Variants in ATP8B4 observed in about 807,000 individuals in gnomAD.
ATP8B4 encodes probable phospholipid-transporting ATPase IM.
ATP8B4 carries 133 observed loss-of-function variants against 145.6 expected under a neutral mutation model. The ratio of observed to expected loss-of-function variants is 0.91; its 90% CI spans 0.79 to 1.05. The LOEUF (loss-of-function observed/expected upper bound fraction) is 1.05, where lower values mean the gene tolerates loss of function less well. Ranked by LOEUF, ATP8B4 falls within the 50% of genes least tolerant of loss-of-function variation. The pLI, the probability that ATP8B4 is intolerant of heterozygous loss-of-function variation, is 0.00. For missense variants in ATP8B4, 1,458 were observed against 1,425.2 expected, an observed-to-expected ratio of 1.02 and a Z score of -0.37; for synonymous variants, 507 against 492.9, an observed-to-expected ratio of 1.03 and a Z score of -0.38.
chr15:50,121,340 G>A (rs560362605), upstream of ATP8B4, among the ~76,000 whole-genome samples: 1 of 152,278 alleles, frequency 6.6e-6, no homozygotes, highest in East Asian at 1.9e-4. Context: ...TGCAGGAAGA[G>A]AGTATGGGAA....
chr15:50,015,011 T>C (rs28584104), intron 6 of ATP8B4, among the ~76,000 whole-genome samples: 1,542 of 152,318 alleles, frequency 0.01, 33 homozygotes, highest in African/African-American at 0.036. Flanking sequence ...AGGAATTAGA[T>C]AGATGTACAA....
chr15:49,959,132 T>A (rs1311015040), intron 14 of ATP8B4, among the ~76,000 whole-genome samples: 1 of 151,982 alleles, frequency 6.6e-6, no homozygotes, highest in Non-Finnish European at 1.5e-5. Flanking sequence ...ACAAGTGGCA[T>A]TTATTCCAGG....
chr15:50,154,456 A>G (rs565464198), intron 1 of ATP8B4, among the ~76,000 whole-genome samples: 4 of 152,296 alleles, frequency 2.6e-5, no homozygotes, highest in South Asian at 4.1e-4. Flanking sequence ...CACCAAAAAC[A>G]TATTTTTGGT....
chr15:50,002,183 A>G lies in ATP8B4; in HGVS notation c.476T>C (p.Leu159Pro). ...AAGCTCAGCAGTTTCAACATAACAGAGACCATGTGGCTCACTACTTGATAG... is the reference window on the plus strand; with the variant it reads ...AAGCTCAGCAGTTTCAACATAACAGGGACCATGTGGCTCACTACTTGATAG... ...LLLSSSEPHG[L>P]CYVETAELDG... Residue 159 changes from leucine to proline, a missense_variant, in exon 8 of 28, where the codon CTC becomes CCC. Leu to Pro is a moderately conservative substitution (Grantham distance 98). Transcript: ENST00000284509. 6.2e-7 allele frequency: 1 copy of G among 1,611,328 alleles called. No individual in the cohort carries two copies. Among genetic ancestry groups the G allele is most frequent in the Non-Finnish European group, 8.5e-7 (1 of 1,178,186 alleles).
chr15:49,916,893 C>G (rs1232798278), intron 20 of ATP8B4, 41 bp downstream of exon 20: 2 of 1,565,870 alleles, frequency 1.3e-6, no homozygotes, highest in Admixed American at 1.7e-5. Flanking sequence ...CCCTCCCTCC[C>G]TCTCGTCCTT....
chr15:50,052,357 C>T (rs1404894789), intron 3 of ATP8B4, among the ~76,000 whole-genome samples: 3 of 152,204 alleles, frequency 2.0e-5, no homozygotes, highest in Non-Finnish European at 2.9e-5. Flanking sequence ...CTAGAGGCCA[C>T]GGCATTAGCT....
At chr15:50,035,825 C>T (rs959364034) in intron 6 of ATP8B4, among the ~76,000 whole-genome samples, 10 of 152,142 alleles carry the variant, frequency 6.6e-5, no homozygotes, top group Non-Finnish European at 1.2e-4. Context: ...GCTGACTATA[C>T]CCTGCCTCCT....
intron 14 of ATP8B4, among the ~76,000 whole-genome samples, chr15:49,952,709 T>C (rs1223843022): frequency 6.6e-6 from 1 of 152,158 alleles, no homozygotes; most frequent in Admixed American, 6.5e-5. Flanking sequence ...AATTCACCCA[T>C]CTGATCCTCT....
chr15:49,906,544 C>T (rs577306156), intron 20 of ATP8B4, among the ~76,000 whole-genome samples: 1 of 152,280 alleles, frequency 6.6e-6, no homozygotes. Flanking sequence ...ACATACTTTG[C>T]TTCAGGAGGA....
intron 14 of ATP8B4, among the ~76,000 whole-genome samples, chr15:49,934,771 C>T (rs947310062): frequency 3.9e-5 from 6 of 152,016 alleles, no homozygotes; most frequent in Non-Finnish European, 8.8e-5. Context: ...CCAAAGTTTT[C>T]GATAAGGAAC....
At chr15:50,106,112 T>C (rs902654191) in intron 2 of ATP8B4, among the ~76,000 whole-genome samples, 4 of 152,176 alleles carry the variant, frequency 2.6e-5, no homozygotes, top group Non-Finnish European at 5.9e-5. Flanking sequence ...TGCATCATGA[T>C]ATAATTACCT....
chr15:49,901,285 C>T, intron 20 of ATP8B4, 46 bp from the exon 21 acceptor site: 2 of 1,567,224 alleles, frequency 1.3e-6, no homozygotes, highest in Non-Finnish European at 1.7e-6. Flanking sequence ...GCATACAGAG[C>T]ATGCCTACTA....
intron 1 of ATP8B4, among the ~76,000 whole-genome samples, chr15:50,110,288 T>C (rs1297297892): frequency 2.0e-5 from 3 of 152,136 alleles, no homozygotes; most frequent in Non-Finnish European, 4.4e-5. Flanking sequence ...AATCCAGTCT[T>C]TTTCTAGTAG....
chr15:50,163,728 C>T (rs570502731), intron 1 of ATP8B4, among the ~76,000 whole-genome samples: 2 of 152,324 alleles, frequency 1.3e-5, no homozygotes, highest in South Asian at 2.1e-4. Context: ...GCTACAAGAT[C>T]CCCCTAGCCC....
intron 2 of ATP8B4, among the ~76,000 whole-genome samples, chr15:50,075,136 G>A (rs2054094643): frequency 6.6e-6 from 1 of 152,110 alleles, no homozygotes; most frequent in Admixed American, 6.5e-5. Flanking sequence ...GTTTAGAGAA[G>A]GCACTTACAA....
chr15:49,898,482 A>G (rs2037664407), intron 21 of ATP8B4, among the ~76,000 whole-genome samples: 1 of 152,242 alleles, frequency 6.6e-6, no homozygotes, highest in African/African-American at 2.4e-5. Context: ...TAAAATAAAA[A>G]TAAACAAAAC....
At position 49,860,463 on chromosome 15, in the gene ATP8B4, G is replaced by A; in HGVS notation, c.3310C>T (p.Gln1104Ter). ...GGCCTTGCCTTCTTTTGAGCCTTCT[G>A]CCACCGGCGGATCTGGAGAGAAACA... ...PTLSDQIRRWQKAQKKARPPS... is the reference protein window; with the variant it reads ...PTLSDQIRRW The change falls in exon 28 of 28, where the codon CAG becomes TAG. Residue 1104 changes from glutamine (Q) to a stop codon, truncating the protein, a stop_gained. Transcript: ENST00000284509. LOFTEE classifies it high-confidence loss of function. 6.2e-7 allele frequency: 1 copy of A among 1,610,238 alleles called. No homozygotes were observed. The highest frequency in any genetic ancestry group is 8.5e-7 in the Non-Finnish European group (1 of 1,178,652).
chr15:50,169,972 A>C (rs2140863885), intron 1 of ATP8B4, among the ~76,000 whole-genome samples: 1 of 152,234 alleles, frequency 6.6e-6, no homozygotes, highest in South Asian at 2.1e-4. Flanking sequence ...ACCCAATACA[A>C]CAAAGAAAAA....
intron 6 of ATP8B4, among the ~76,000 whole-genome samples, chr15:50,018,275 A>C (rs2049256050): frequency 6.6e-6 from 1 of 152,176 alleles, no homozygotes; most frequent in Non-Finnish European, 1.5e-5. Flanking sequence ...GGCATGAGCC[A>C]CCAAGCTTGG....
Sources: allele counts gnomAD v4.1 joint callset (sites outside exome capture counted in the v4.1 genomes callset), GRCh38; gene constraint gnomAD v4.1.1; transcripts MANE v1.5; gene names NCBI Gene and HGNC (gene_info 2026-07-23, HGNC 2026-07-21).